The following LRRTM1 variants were observed in gnomAD, a reference collection of about 807,000 sequenced individuals.
LRRTM1 encodes leucine rich repeat transmembrane neuronal 1, also known as leucine-rich repeat transmembrane neuronal protein 1.
In LRRTM1, 8 loss-of-function variants were observed where a neutral mutation model predicts 37.3. That is an observed-to-expected ratio of 0.21 (90% CI 0.13 to 0.39). LRRTM1 has a LOEUF of 0.39. LRRTM1 is among the 10% of genes least tolerant of loss of function. The pLI, the probability that LRRTM1 is intolerant of heterozygous loss-of-function variation, is 1.00. For synonymous variants in LRRTM1, 326 were observed against 316.8 expected, an observed-to-expected ratio of 1.03 and a Z score of -0.31; for missense variants, 557 against 691.0, an observed-to-expected ratio of 0.81 and a Z score of 2.17.
rs779054328 is a variant in LRRTM1, at chr2:80,303,795, A to G, written c.25T>C (p.Cys9Arg). ...GGCCTCCTCAGCAGCCAGTATAGACAGAGACCGAGCAGCAGGAAATCCATT... is the reference window on the plus strand; with the variant it reads ...GGCCTCCTCAGCAGCCAGTATAGACGGAGACCGAGCAGCAGGAAATCCATT... MDFLLLGLCLYWLLRRPSG... is the reference protein window; with the variant it reads MDFLLLGLRLYWLLRRPSG... The change falls in exon 2 of 2, where the codon TGT becomes CGT. Residue 9 changes from cysteine (C) to arginine (R), a missense_variant. By Grantham distance (180) the Cys-to-Arg change is radical. This residue lies in a region of LRRTM1 where 140 missense variants were observed against 138.1 expected (regional missense o/e 1.01). Transcript: ENST00000295057. This position sits in a 1 kb window ranked among gnomAD's most constrained non-coding sequence, Gnocchi z 7.7. The G allele has an allele frequency of 3.3e-6, 5 of 1,522,044 alleles. No homozygotes were observed. The highest frequency in any genetic ancestry group is 2.2e-5 in the Admixed American group (1 of 45,674). The allele number at this position is 1,522,044 out of a possible 1,614,324, so 94.3% of individuals were successfully genotyped here.
chr2:80,294,761 C>T (rs1675593608), intron 2 of LRRTM1, among the ~76,000 whole-genome samples: 1 of 152,160 alleles, frequency 6.6e-6, no homozygotes, highest in Non-Finnish European at 1.5e-5. Context: ...CAAGTGGTTC[C>T]AGTGTGCAGC....
At chr2:80,297,971 A>G (rs1675898312), downstream of LRRTM1, among the ~76,000 whole-genome samples, 1 of 150,914 alleles carries the variant, frequency 6.6e-6, no homozygotes, top group African/African-American at 2.4e-5. Context: ...CTGCGCGTGT[A>G]TGGGTGTGTG....
In LRRTM1 at chr2:80,302,152, T is replaced by A. The variant is rs1466135073; in HGVS notation, c.*99A>T. On this transcript the variant is annotated 3_prime_UTR_variant, in exon 2 of 2. Transcript: ENST00000295057. The surrounding 1 kb of genome is among the most constrained non-coding windows in gnomAD (Gnocchi z 6.4). Reference sequence around the variant, plus strand: ...CTTAAAGTTTCAGTCAAGGAGCATATCAGAGCACAGACAAGGAGACCCCAG... The same window carrying A: ...CTTAAAGTTTCAGTCAAGGAGCATAACAGAGCACAGACAAGGAGACCCCAG... 1.4e-6 allele frequency: 2 copies of A among 1,448,446 alleles called. No homozygotes were observed. Among genetic ancestry groups the A allele is most frequent in the African/African-American group, 2.8e-5 (2 of 70,606 alleles). 89.7% of individuals were successfully genotyped at this position (1,448,446 alleles called of 1,614,324 possible).
intron 2 of LRRTM1, among the ~76,000 whole-genome samples, chr2:80,292,955 G>T (rs200980483): frequency 6.6e-6 from 1 of 152,120 alleles, no homozygotes; most frequent in African/African-American, 2.4e-5. Flanking sequence ...AAAAAGATCA[G>T]TATGAAACAC....
chr2:80,304,734 C>T lies in LRRTM1; in HGVS notation c.-642G>A, dbSNP rs1332780226. 6.5e-6 allele frequency: 1 copy of T among 152,696 alleles called. No homozygotes were observed. Among genetic ancestry groups the T allele is most frequent in the Admixed American group, 6.6e-5 (1 of 15,222 alleles). 9.5% of individuals were successfully genotyped at this position (152,696 alleles called of 1,614,324 possible). A position where few individuals can be genotyped will look rare whatever the true frequency, so the allele number is the denominator to read the frequency against. The stretch of plus-strand genomic sequence containing the variant: ...GTGCGGCGCGAGCTTGCACAGGCAC[C>T]TACTGCTCACTGAGTGTCGTAAGCT... On this transcript the variant is annotated 5_prime_UTR_variant, in exon 1 of 2. Transcript: ENST00000295057.
At chr2:80,293,414 T>G (rs1675441374) in intron 2 of LRRTM1, among the ~76,000 whole-genome samples, 1 of 152,178 alleles carries the variant, frequency 6.6e-6, no homozygotes, top group Non-Finnish European at 1.5e-5. Context: ...CACCTAAAAA[T>G]ATGTGATTTT....
At chr2:80,293,303 T>C (rs572835166) in intron 2 of LRRTM1, among the ~76,000 whole-genome samples, 2 of 152,324 alleles carry the variant, frequency 1.3e-5, no homozygotes, top group African/African-American at 2.4e-5. Flanking sequence ...ATCTCACTTA[T>C]ACTGAAGGCT....
chr2:80,301,643 T>G (rs1255936476), downstream of LRRTM1, among the ~76,000 whole-genome samples: 1 of 152,128 alleles, frequency 6.6e-6, no homozygotes, highest in Admixed American at 6.5e-5. Context: ...ATATAAAGGG[T>G]CTTGCAGTTT....
At chr2:80,295,203 T>A (rs1675632806) in intron 2 of LRRTM1, among the ~76,000 whole-genome samples, 4 of 150,496 alleles carry the variant, frequency 2.7e-5, no homozygotes, top group African/African-American at 9.8e-5. Flanking sequence ...ATGTAGTATG[T>A]CATTTTGAGA....
rs145157669 is a variant in LRRTM1, at chr2:80,290,777, G to A, written c.*307-1582C>T. Among the ~76,000 whole-genome samples the A allele has an allele frequency of 3.8e-4, 58 of 152,080 alleles. 2 individuals are homozygous for A. In the East Asian group the frequency reaches 9.3e-3, roughly 24 times the overall value. On this transcript the variant is annotated intron_variant and NMD_transcript_variant, in intron 2 of 2. Coordinates refer to the LRRTM1 transcript ENST00000417012. ...CATTTTGCTCTTGTTGTGAATGCCT[G>A]GTGTAGCTCATAACTATGAATTCGG...
At position 80,303,675 on chromosome 2, in the gene LRRTM1, G is replaced by A. The variant is rs754652013; in HGVS notation, c.145C>T (p.Leu49=). Residue 49 remains leucine (L), a synonymous_variant, in exon 2 of 2, where the codon CTG becomes TTG. Transcript: ENST00000295057. This position sits in a 1 kb window ranked among gnomAD's most constrained non-coding sequence, Gnocchi z 7.7. ...CPQLCRCEGR[L]LYCEALNLTE... The stretch of plus-strand genomic sequence containing the variant: ...AGGTTGAGCGCCTCGCAGTACAGCA[G>A]CCGCCCCTCGCACCGGCACAGCTGC... 1.1e-5 allele frequency: 17 copies of A among 1,611,238 alleles called. No individual in the cohort carries two copies. The East Asian group carries it at 3.1e-4, about 30-fold the overall frequency.
intron 2 of LRRTM1, among the ~76,000 whole-genome samples, chr2:80,291,722 G>A (rs1675268651): frequency 6.6e-6 from 1 of 152,180 alleles, no homozygotes; most frequent in Non-Finnish European, 1.5e-5. Context: ...ACTATAGATA[G>A]CAAACAGCTC....
At chr2:80,294,886 A>C (rs980473011) in intron 2 of LRRTM1, among the ~76,000 whole-genome samples, 1 of 152,190 alleles carries the variant, frequency 6.6e-6, no homozygotes, top group African/African-American at 2.4e-5. Context: ...TACATTGAGA[A>C]CAGACAAATA....
rs574763505 is a variant in LRRTM1 at position 80,290,051 on chromosome 2, T to G, written c.*307-856A>C. On this transcript the variant is annotated intron_variant and NMD_transcript_variant, in intron 2 of 2. Transcript: ENST00000417012. ...TAAATCTTTGCATAGGACCTCACAGTTTTTGAAGTTCTGTCACTCACATGA... is the reference window on the plus strand; with the variant it reads ...TAAATCTTTGCATAGGACCTCACAGGTTTTGAAGTTCTGTCACTCACATGA... 2.1e-3 allele frequency among the ~76,000 whole-genome samples: 327 copies of G among 152,190 alleles called. 3 individuals are homozygous for G. The highest frequency in any genetic ancestry group is 7.2e-3 in the African/African-American group (301 of 41,536).
intron 2 of LRRTM1, among the ~76,000 whole-genome samples, chr2:80,292,855 C>A (rs985901369): frequency 1.3e-5 from 2 of 152,158 alleles, no homozygotes; most frequent in Admixed American, 1.3e-4. Context: ...TGTTTAGTGG[C>A]ATTTCAGTTA....
At position 80,303,367 on chromosome 2, in the gene LRRTM1, C is replaced by A; in HGVS notation, c.453G>T (p.Ala151=). Residue 151 remains alanine, a synonymous_variant, in exon 2 of 2, where the codon GCG becomes GCT. Transcript: ENST00000295057. This position sits in a 1 kb window ranked among gnomAD's most constrained non-coding sequence, Gnocchi z 7.7. ...GCCCGTGGAAGAGGTCGGGCGCGAGCGCCTGCAGCTTGTTGTACGAGAGGT... is the reference window on the plus strand; with the variant it reads ...GCCCGTGGAAGAGGTCGGGCGCGAGAGCCTGCAGCTTGTTGTACGAGAGGT... ...SVDLSYNKLQ[A]LAPDLFHGLR... is the part of the protein sequence containing the mutation. 6.2e-7 allele frequency: 1 copy of A among 1,614,108 alleles called. No homozygotes were observed. The highest frequency in any genetic ancestry group is 2.2e-5 in the East Asian group (1 of 44,848).
intron 2 of LRRTM1, among the ~76,000 whole-genome samples, chr2:80,289,565 T>G (rs1315170337): frequency 1.3e-5 from 2 of 152,218 alleles, no homozygotes; most frequent in African/African-American, 2.4e-5. Flanking sequence ...GTCACTCTAC[T>G]GTGGTGATGG....
chr2:80,297,633 A>C (rs1426259643), downstream of LRRTM1, among the ~76,000 whole-genome samples: 1 of 152,150 alleles, frequency 6.6e-6, no homozygotes, highest in African/African-American at 2.4e-5. Context: ...GAATCCCAGA[A>C]AAACAAAAAA....
Position 80,303,863 on chromosome 2 carries a change from G to A in LRRTM1, c.-44C>T. Reference sequence around the variant, plus strand: ...AGAGACTGGAGAATGTCCATTGGAAGCGCTCGGTCAGAAATCTACATCATA... The same window carrying A: ...AGAGACTGGAGAATGTCCATTGGAAACGCTCGGTCAGAAATCTACATCATA... On this transcript the variant is annotated 5_prime_UTR_variant, in exon 2 of 2. Transcript: ENST00000295057. The surrounding 1 kb of genome is among the most constrained non-coding windows in gnomAD (Gnocchi z 7.7). 1.4e-6 allele frequency: 2 copies of A among 1,480,848 alleles called. No homozygotes were observed. The highest frequency in any genetic ancestry group is 1.8e-6 in the Non-Finnish European group (2 of 1,114,680). The allele number at this position is 1,480,848 out of a possible 1,614,324, so 91.7% of individuals were successfully genotyped here.
Sources: gnomAD v4.1 joint callset for allele counts (sites outside exome capture counted in the v4.1 genomes callset) on GRCh38, gnomAD v4.1.1 for gene constraint, gnomAD v4.1.1 regional missense constraint, Gnocchi (gnomAD v3.1) non-coding constraint, MANE v1.5 for transcripts, NCBI Gene and HGNC (gene_info 2026-07-23, HGNC 2026-07-21) for gene names.